The following AXDND1 variants were observed in gnomAD, a reference collection of about 807,000 sequenced individuals.
AXDND1 encodes axonemal dynein light chain domain-containing protein 1.
In AXDND1, 110 loss-of-function variants were observed where a neutral mutation model predicts 137.5. The ratio of observed to expected loss-of-function variants is 0.80; its 90% CI spans 0.69 to 0.94. The LOEUF (loss-of-function observed/expected upper bound fraction) is 0.94, where lower values mean the gene tolerates loss of function less well. AXDND1 is among the 40% of genes least tolerant of loss of function. The pLI, the probability that AXDND1 is intolerant of heterozygous loss-of-function variation, is 0.00. For synonymous variants in AXDND1, 414 were observed against 399.7 expected, an observed-to-expected ratio of 1.04 and a Z score of -0.43; for missense variants, 1,191 against 1,169.8, an observed-to-expected ratio of 1.02 and a Z score of -0.26.
intron 19 of AXDND1, among the ~76,000 whole-genome samples, chr1:179,492,115 C>T (rs1054386687): frequency 8.5e-5 from 13 of 152,086 alleles, no homozygotes; most frequent in African/African-American, 2.4e-4. Flanking sequence ...CTTCTGTCAC[C>T]GAGGCTAGAA....
At chr1:179,547,817 A>G (rs927926853) in intron 25 of AXDND1, among the ~76,000 whole-genome samples, 16 of 152,172 alleles carry the variant, frequency 1.1e-4, no homozygotes, top group African/African-American at 3.9e-4. Context: ...CCCCCTACCC[A>G]GAAGTCTGAC....
At position 179,525,243 on chromosome 1, in the gene AXDND1, G is replaced by C; in HGVS notation, c.2497-91G>C. 3.9e-6 allele frequency: 5 copies of C among 1,276,050 alleles called. No individual in the cohort carries two copies. The South Asian group carries it at 7.6e-5, about 19-fold the overall frequency. The allele number at this position is 1,276,050 out of a possible 1,614,324, so 79.0% of individuals were successfully genotyped here. On this transcript the variant is annotated intron_variant, in intron 21 of 25. Coordinates refer to ENST00000367618, the MANE Select transcript of AXDND1 (RefSeq NM_144696.6). ...ATCCTTGTCACTAGCACAGTACCCA[G>C]CTGCAGGATTAGTGCTCATTAAATA...
chr1:179,418,986 G>A (rs1655202049), intron 12 of AXDND1, among the ~76,000 whole-genome samples: 2 of 150,918 alleles, frequency 1.3e-5, no homozygotes. Flanking sequence ...ACGAGGCGGC[G>A]GGGCAGAGGC....
chr1:179,442,106 A>G (rs1659072502), intron 15 of AXDND1, among the ~76,000 whole-genome samples: 1 of 152,214 alleles, frequency 6.6e-6, no homozygotes, highest in Non-Finnish European at 1.5e-5. Flanking sequence ...GGAAAAGCAC[A>G]AGGTCCTAAG....
At chr1:179,507,525 G>C (rs1270368094) in intron 20 of AXDND1, among the ~76,000 whole-genome samples, 3 of 152,146 alleles carry the variant, frequency 2.0e-5, no homozygotes, top group Non-Finnish European at 4.4e-5. Context: ...AGGATACTTA[G>C]GGGCAGTGGT....
intron 11 of AXDND1, among the ~76,000 whole-genome samples, chr1:179,403,034 G>A (rs1044284248): frequency 1.2e-4 from 19 of 152,130 alleles, no homozygotes; most frequent in African/African-American, 4.3e-4. Flanking sequence ...AACCCACATA[G>A]TCAAAAACCT....
At chr1:179,534,568 T>A in intron 24 of AXDND1, 162 bp from the exon 25 acceptor site, 1 of 790,230 alleles carries the variant, frequency 1.3e-6, no homozygotes, top group Non-Finnish European at 1.8e-6. Context: ...GAGTCGCTCC[T>A]GGGCCCCCAG....
At chr1:179,421,511 G>A (rs553760579) in intron 12 of AXDND1, among the ~76,000 whole-genome samples, 2 of 151,116 alleles carry the variant, frequency 1.3e-5, no homozygotes, top group South Asian at 2.1e-4. Context: ...AGCCTCCTGA[G>A]TAGCTGGGAA....
chr1:179,504,857 A>G (rs1326162710), intron 20 of AXDND1, among the ~76,000 whole-genome samples: 1 of 152,204 alleles, frequency 6.6e-6, no homozygotes, highest in Middle Eastern at 3.2e-3. Flanking sequence ...CTCACACCAG[A>G]GGTAAGGCTG....
At chr1:179,408,504 G>A (rs1653332062) in intron 11 of AXDND1, among the ~76,000 whole-genome samples, 1 of 151,850 alleles carries the variant, frequency 6.6e-6, no homozygotes, top group Non-Finnish European at 1.5e-5. Flanking sequence ...AGCCTCCCAA[G>A]TAGCTGGGAC....
At chr1:179,370,116 A>T in intron 4 of AXDND1, 38 bp downstream of exon 4, 1 of 1,508,472 alleles carries the variant, frequency 6.6e-7, no homozygotes, top group Non-Finnish European at 9.2e-7. Context: ...GCTGATAAAT[A>T]GAGTTGTTTT....
intron 23 of AXDND1, among the ~76,000 whole-genome samples, chr1:179,529,853 A>G (rs1003739670): frequency 6.6e-6 from 1 of 152,120 alleles, no homozygotes; most frequent in African/African-American, 2.4e-5. Context: ...TATGTCAAAT[A>G]AATATATTTG....
chr1:179,553,912 A>ATTTTTT (rs11422639), intron 25 of AXDND1, among the ~76,000 whole-genome samples: 1 of 131,876 alleles, frequency 7.6e-6, no homozygotes, highest in Non-Finnish European at 1.6e-5. Flanking sequence ...CCCCTGGCTA[A>ATTTTTT]TTTTTTTTTT....
At chr1:179,382,622 TG>T (rs1228951515) in intron 6 of AXDND1, 77 bp from the exon 7 acceptor site, 3 of 992,206 alleles carry the variant, frequency 3.0e-6, no homozygotes, top group Non-Finnish European at 3.2e-6. Flanking sequence ...ACCAAGATTC[TG>T]GGGGTTAGTT....
At chr1:179,396,274 C>G (rs1651047427) in intron 11 of AXDND1, among the ~76,000 whole-genome samples, 1 of 152,066 alleles carries the variant, frequency 6.6e-6, no homozygotes, top group Non-Finnish European at 1.5e-5. Flanking sequence ...CTTCCCTCCC[C>G]AGAGTTAATC....
chr1:179,531,012 C>T (rs1486269103), intron 23 of AXDND1, among the ~76,000 whole-genome samples: 1 of 152,084 alleles, frequency 6.6e-6, no homozygotes. Flanking sequence ...CTTGAAGGCT[C>T]AAAGGTTAGG....
intron 9 of AXDND1, among the ~76,000 whole-genome samples, chr1:179,386,937 T>C (rs574069360): frequency 6.6e-6 from 1 of 152,030 alleles, no homozygotes; most frequent in African/African-American, 2.4e-5. Context: ...ACTTTAATCC[T>C]ATCTAGTATA....
intron 16 of AXDND1, among the ~76,000 whole-genome samples, chr1:179,467,841 C>T (rs997898931): frequency 3.9e-5 from 6 of 152,090 alleles, no homozygotes; most frequent in African/African-American, 1.4e-4. Context: ...CTTTATATAA[C>T]TTTGAGATGG....
At chr1:179,448,036 A>G (rs1385811297) in intron 16 of AXDND1, 4 of 1,344,208 alleles carry the variant, frequency 3.0e-6, no homozygotes, top group Admixed American at 1.7e-5. Flanking sequence ...TGTGACAGAC[A>G]TTGAAAAATT....
Sources: gnomAD v4.1 joint callset for allele counts (sites outside exome capture counted in the v4.1 genomes callset) on GRCh38, gnomAD v4.1.1 for gene constraint, MANE v1.5 for transcripts, NCBI Gene and HGNC (gene_info 2026-07-23, HGNC 2026-07-21) for gene names.